Variants in RABEP1 observed in about 807,000 individuals in gnomAD.
RABEP1 encodes rab GTPase-binding effector protein 1.
In RABEP1, 51 loss-of-function variants were observed where a neutral mutation model predicts 123.4. That is an observed-to-expected ratio of 0.41 (90% confidence interval 0.33 to 0.52). The LOEUF (loss-of-function observed/expected upper bound fraction) is 0.52. Among genes scored for constraint, RABEP1 ranks in the 20% least tolerant of loss-of-function variants. RABEP1 has a pLI of 0.16. For missense variants in RABEP1, 888 were observed against 996.3 expected (o/e 0.89, Z 1.46); for synonymous variants, 347 against 355.2 (o/e 0.98, Z 0.26).
Position 5,331,320 on chromosome 17 carries a change from G to C in RABEP1, c.164-629G>C, listed in dbSNP as rs148456183. On this transcript the variant is annotated intron_variant, in intron 2 of 17. Transcript: ENST00000537505. The stretch of plus-strand genomic sequence containing the variant: ...TTTTAAAAGATGGAAAATAGTGACT[G>C]TTGTTAAGGGTATGGGAAAACAATC... Among the ~76,000 whole-genome samples the C allele has an allele frequency of 2.0e-5, 3 of 152,198 alleles. No individual in the cohort carries two copies. In the East Asian group the frequency reaches 5.8e-4, roughly 29 times the overall value.
Position 5,361,330 on chromosome 17 carries a change from G to C in RABEP1, c.1218G>C (p.Gln406His). The C allele has an allele frequency of 1.2e-6, 2 of 1,614,158 alleles. No homozygotes were observed. The highest frequency in any genetic ancestry group is 1.7e-6 in the Non-Finnish European group (2 of 1,180,020). Reference protein sequence around the residue: ...DMFKDGLRRAQSTDSLGTSGS... With the variant: ...DMFKDGLRRAHSTDSLGTSGS... Reference sequence around the variant, plus strand: ...TTAAAGATGGACTCAGGAGAGCACAGTCTACAGACAGCTTGGGAACCTCGG... The same window carrying C: ...TTAAAGATGGACTCAGGAGAGCACACTCTACAGACAGCTTGGGAACCTCGG... The change falls in exon 9 of 18, where the codon CAG (glutamine) becomes CAC (histidine). Residue 406 changes from glutamine (Q) to histidine (H), a missense_variant. Gln to His is a conservative substitution (Grantham distance 24). Transcript: ENST00000537505.
intron 16 of RABEP1, 92 bp downstream of exon 16, chr17:5,380,554 G>C (rs759350042): frequency 1.6e-5 from 18 of 1,097,702 alleles, no homozygotes; most frequent in Non-Finnish European, 2.4e-5. Flanking sequence ...TTGGTGCTTT[G>C]AAGTGTCACC....
chr17:5,302,591 CT>C (rs546960637), intron 1 of RABEP1, among the ~76,000 whole-genome samples: 3,310 of 123,348 alleles, frequency 0.027, 33 homozygotes, highest in African/African-American at 0.048. Context: ...ATTTTTTAGA[CT>C]TTTTTTTTTT....
chr17:5,367,343 C>T (rs528737134), intron 11 of RABEP1, among the ~76,000 whole-genome samples: 37 of 151,886 alleles, frequency 2.4e-4, no homozygotes, highest in Non-Finnish European at 2.4e-4. Context: ...ACGATCTTGG[C>T]TCACTGCAAC....
At chr17:5,344,297 G>T (rs1232211964) in intron 5 of RABEP1, among the ~76,000 whole-genome samples, 1 of 148,854 alleles carries the variant, frequency 6.7e-6, no homozygotes, top group Non-Finnish European at 1.5e-5. Flanking sequence ...AATTAGCCGG[G>T]CATGGTGGTG....
At chr17:5,336,223 G>C (rs1402312020) in intron 4 of RABEP1, among the ~76,000 whole-genome samples, 2 of 151,670 alleles carry the variant, frequency 1.3e-5, no homozygotes, top group Non-Finnish European at 2.9e-5. Context: ...CTAATTCTTA[G>C]TTCATTCTTC....
At chr17:5,356,061 G>A (rs537778977) in intron 8 of RABEP1, among the ~76,000 whole-genome samples, 72 of 152,302 alleles carry the variant, frequency 4.7e-4, no homozygotes, top group African/African-American at 1.6e-3. Flanking sequence ...TAACAGATCC[G>A]TAGACTTTCA....
rs891431980 is a variant in RABEP1 at position 5,365,228 on chromosome 17, C to G, written c.1775C>G (p.Ser592Trp). The G allele has an allele frequency of 2.5e-6, 4 of 1,605,628 alleles. No individual in the cohort carries two copies. Among genetic ancestry groups the G allele is most frequent in the East Asian group, 2.2e-5 (1 of 44,604 alleles). The change falls in exon 11 of 18, where the codon TCG (serine) becomes TGG (tryptophan). Residue 592 changes from serine to tryptophan, a missense_variant. Coordinates refer to ENST00000537505, the MANE Select transcript of RABEP1 (RefSeq NM_004703.6). The stretch of plus-strand genomic sequence containing the variant: ...TTCATAAAGCAAAGCAGCGAAGATT[C>G]GAGTCACCAGGTAAGGGAGGGTTTA... ...EDFIKQSSED[S>W]SHQISALVLR...
intron 12 of RABEP1, among the ~76,000 whole-genome samples, chr17:5,372,556 A>G (rs867523219): frequency 9.2e-5 from 14 of 152,328 alleles, no homozygotes; most frequent in Middle Eastern, 3.4e-3. Flanking sequence ...AGTGATTCCG[A>G]GCCTAAACAG....
chr17:5,285,520 C>T (rs939829467), intron 1 of RABEP1, among the ~76,000 whole-genome samples: 2 of 152,060 alleles, frequency 1.3e-5, no homozygotes, highest in Non-Finnish European at 2.9e-5. Context: ...ACCTTTTACC[C>T]CTGAAGGACA....
chr17:5,381,954 T>A (rs537301472), intron 17 of RABEP1, among the ~76,000 whole-genome samples: 1 of 152,268 alleles, frequency 6.6e-6, no homozygotes, highest in South Asian at 2.1e-4. Context: ...CTCTTCTAGG[T>A]CCCTGAGCTG....
intron 12 of RABEP1, chr17:5,371,189 A>C (rs1910505374): frequency 1.3e-5 from 2 of 152,060 alleles, no homozygotes; most frequent in African/African-American, 4.8e-5. Context: ...GATGGTCTCG[A>C]TCTCCTGACC....
chr17:5,350,615 A>G lies in RABEP1; in HGVS notation c.949A>G (p.Lys317Glu). The change falls in exon 7 of 18, where the codon AAG becomes GAG. Residue 317 changes from lysine to glutamate, a missense_variant. Transcript: ENST00000537505. ...ACAGCTCCGACAAGTTGAAGAACTG[A>G]AGAAGAAAGATCAGGTGAATAGAAG... ...SEQLRQVEEL[K>E]KKDQEDDEQQ... 1 of 1,613,926 alleles carries G rather than the reference A, an allele frequency of 6.2e-7. No homozygotes were observed. Among genetic ancestry groups the G allele is most frequent in the South Asian group, 1.1e-5 (1 of 90,998 alleles).
At chr17:5,311,112 C>T (rs745390649) in intron 2 of RABEP1, among the ~76,000 whole-genome samples, 8 of 151,928 alleles carry the variant, frequency 5.3e-5, no homozygotes, top group African/African-American at 1.4e-4. Context: ...AATGGGCTTG[C>T]GTGTGCATTT....
chr17:5,338,041 T>A lies in RABEP1; in HGVS notation c.551T>A (p.Leu184His). The A allele has an allele frequency of 1.9e-6, 3 of 1,613,148 alleles. No individual in the cohort carries two copies. Among genetic ancestry groups the A allele is most frequent in the Non-Finnish European group, 2.5e-6 (3 of 1,179,478 alleles). Residue 184 changes from leucine (L) to histidine (H), a missense_variant, in exon 5 of 18, where the codon CTT becomes CAT. By Grantham distance (99) the Leu-to-His change is moderately conservative (BLOSUM62 -3). Transcript: ENST00000537505. ...TAGGCCCAAGAGGATGCTGAGAAACTTCGGTCCGTTGTGATGCCAATGGAA... is the reference window on the plus strand; with the variant it reads ...TAGGCCCAAGAGGATGCTGAGAAACATCGGTCCGTTGTGATGCCAATGGAA... ...MKKAQEDAEK[L>H]RSVVMPMEKE...
At chr17:5,320,988 A>T (rs965379861) in intron 2 of RABEP1, among the ~76,000 whole-genome samples, 2 of 152,220 alleles carry the variant, frequency 1.3e-5, no homozygotes, top group Non-Finnish European at 2.9e-5. Context: ...GGTTAAAGAA[A>T]CAAGCCCCAA....
chr17:5,343,926 T>G (rs1199282341), intron 5 of RABEP1, among the ~76,000 whole-genome samples: 2 of 152,052 alleles, frequency 1.3e-5, no homozygotes, highest in African/African-American at 4.8e-5. Context: ...TCCACTCACC[T>G]TGGCCTCCCA....
At chr17:5,343,488 A>T (rs769722989) in intron 5 of RABEP1, among the ~76,000 whole-genome samples, 1 of 151,996 alleles carries the variant, frequency 6.6e-6, no homozygotes. Context: ...TGAACCCAGG[A>T]GGTGGAAGTT....
chr17:5,365,146 A>C lies in RABEP1; in HGVS notation c.1693A>C (p.Arg565=), dbSNP rs1909905185. ...GGTGAAAAAACTACAGCTGATGCTA[A>C]GGCAAGCTAATGACCAGTTAGAGAA... is the stretch of plus-strand genomic sequence containing the variant. ...DQVKKLQLML[R]QANDQLEKTM... Residue 565 remains arginine, a synonymous_variant, in exon 11 of 18, where the codon AGG becomes CGG. Coordinates refer to ENST00000537505, the MANE Select transcript of RABEP1 (RefSeq NM_004703.6). The C allele has an allele frequency of 6.2e-7, 1 of 1,608,604 alleles. No individual in the cohort carries two copies. The highest frequency in any genetic ancestry group is 1.3e-5 in the African/African-American group (1 of 74,594).
Sources: allele counts gnomAD v4.1 joint callset (sites outside exome capture counted in the v4.1 genomes callset), GRCh38; gene constraint gnomAD v4.1.1; transcripts MANE v1.5; gene names NCBI Gene and HGNC (gene_info 2026-07-23, HGNC 2026-07-21).